PHF21A: variants seen among roughly 807,000 people sequenced by gnomAD.
PHF21A encodes the protein PHD finger protein 21A, also known as BHC80a.
Under a neutral mutation model 82.5 loss-of-function variants are expected in PHF21A, and 11 were observed. The observed-to-expected ratio is 0.13, with a 90% confidence interval of 0.08 to 0.22. The LOEUF is 0.22. Among genes scored for constraint, PHF21A ranks in the 10% least tolerant of loss-of-function variants. The probability of loss-of-function intolerance (pLI) is 1.00; values close to 1 mark genes in which losing one functional copy is unlikely to be tolerated. For synonymous variants in PHF21A, 297 were observed against 302.8 expected (o/e 0.98, Z 0.20); for missense variants, 579 against 837.8 (o/e 0.69, Z 3.81).
Position 45,929,694 on chromosome 11 carries a change from A to G in PHF21A, c.*4274T>C. On this transcript the variant is annotated 3_prime_UTR_variant, in exon 19 of 19. Coordinates refer to ENST00000676320, the MANE Select transcript of PHF21A (RefSeq NM_001352027.3). ...CCTCAGGGAGGAAGGGCCTTGTGGG[A>G]GGGGGCGCCAAGTGGAACTGGAGAG... The G allele has an allele frequency of 6.6e-6, 1 of 152,216 alleles. No individual in the cohort carries two copies. Among genetic ancestry groups the G allele is most frequent in the Non-Finnish European group, 1.5e-5 (1 of 68,074 alleles). The allele number at this position is 152,216 out of a possible 1,614,324, so 9.4% of individuals were successfully genotyped here. A position where few individuals can be genotyped will look rare whatever the true frequency, so the allele number is the denominator to read the frequency against.
chr11:46,067,129 T>A (rs529848945), intron 6 of PHF21A, among the ~76,000 whole-genome samples: 82 of 152,308 alleles, frequency 5.4e-4, no homozygotes, highest in Non-Finnish European at 1.1e-3. Context: ...CTTGATTCAA[T>A]CACATTTGTT....
At chr11:45,980,410 G>A (rs1591544330) in intron 6 of PHF21A, among the ~76,000 whole-genome samples, 1 of 152,170 alleles carries the variant, frequency 6.6e-6, no homozygotes, top group East Asian at 1.9e-4. Flanking sequence ...TTAAAATGAG[G>A]TGGTTAACAG....
intron 10 of PHF21A, among the ~76,000 whole-genome samples, chr11:45,958,728 C>T (rs923289338): frequency 6.6e-5 from 10 of 151,828 alleles, no homozygotes; most frequent in African/African-American, 2.2e-4. Context: ...CCAGCCTGGG[C>T]AAGAAAGTGA....
chr11:46,066,677 C>T (rs1187402143), intron 6 of PHF21A, among the ~76,000 whole-genome samples: 4 of 151,914 alleles, frequency 2.6e-5, no homozygotes, highest in Admixed American at 1.3e-4. Flanking sequence ...CCAGCTTGGG[C>T]GACAGAGCAA....
chr11:45,972,573 T>C (rs967104014), intron 7 of PHF21A, among the ~76,000 whole-genome samples: 3 of 152,104 alleles, frequency 2.0e-5, no homozygotes, highest in African/African-American at 7.2e-5. Flanking sequence ...AGGTCAGGAG[T>C]TCGAGACTAG....
intron 1 of PHF21A, among the ~76,000 whole-genome samples, chr11:46,097,486 T>C (rs2097017036): frequency 6.6e-6 from 1 of 152,164 alleles, no homozygotes; most frequent in Non-Finnish European, 1.5e-5. Flanking sequence ...CTCCCTCAAA[T>C]TATTGAGGAA....
At chr11:45,940,655 T>TTTATG (rs2090166733) in intron 15 of PHF21A, among the ~76,000 whole-genome samples, 2 of 3,360 alleles carry the variant, frequency 6.0e-4, no homozygotes, top group Non-Finnish European at 2.8e-3. Flanking sequence ...CTTCCTTCAT[T>TTTATG]ATTAAAATCA....
At chr11:45,979,501 T>A (rs2094187846) in intron 7 of PHF21A, among the ~76,000 whole-genome samples, 1 of 152,254 alleles carries the variant, frequency 6.6e-6, no homozygotes, top group Admixed American at 6.5e-5. Flanking sequence ...AGATAATTGA[T>A]TTTTGTTATT....
At chr11:45,971,020 T>G (rs2093709378) in intron 8 of PHF21A, 96 bp downstream of exon 8, 1 of 1,400,124 alleles carries the variant, frequency 7.1e-7, no homozygotes, top group Admixed American at 2.6e-5. Context: ...TGATGGAAAC[T>G]GAGAAATCCA....
intron 4 of PHF21A, among the ~76,000 whole-genome samples, chr11:46,082,402 C>T (rs891272995): frequency 2.6e-5 from 4 of 152,128 alleles, no homozygotes; most frequent in Admixed American, 1.3e-4. Context: ...TTGTCATGAT[C>T]AACAATCGTG....
intron 6 of PHF21A, among the ~76,000 whole-genome samples, chr11:46,056,457 T>G (rs1389736820): frequency 6.6e-6 from 1 of 152,120 alleles, no homozygotes; most frequent in Non-Finnish European, 1.5e-5. Flanking sequence ...GTTCTCAAAT[T>G]AGTATGAGCT....
intron 11 of PHF21A, 92 bp from the exon 12 acceptor site, chr11:45,950,349 C>T: frequency 9.7e-7 from 1 of 1,036,140 alleles, no homozygotes; most frequent in East Asian, 2.5e-5. Flanking sequence ...GGAAAGCCAG[C>T]CCAATGGGCG....
At chr11:46,094,881 AGAGT>A (rs1469363731) in intron 1 of PHF21A, among the ~76,000 whole-genome samples, 2 of 152,150 alleles carry the variant, frequency 1.3e-5, no homozygotes, top group Non-Finnish European at 2.9e-5. Context: ...GCCTGGCGAC[AGAGT>A]GAGTCTCCGT....
At chr11:45,949,584 A>G in intron 12 of PHF21A, 103 bp from the exon 13 acceptor site, 1 of 976,894 alleles carries the variant, frequency 1.0e-6, no homozygotes. Context: ...AATCAGAATC[A>G]GGGACAAGTC....
At chr11:45,965,691 G>T in intron 9 of PHF21A, 83 bp from the exon 10 acceptor site, 5 of 1,034,038 alleles carry the variant, frequency 4.8e-6, no homozygotes, top group Non-Finnish European at 7.0e-6. Context: ...CTCTATGTAT[G>T]AAATGGTGTT....
chr11:45,986,858 A>C (rs886148023), intron 6 of PHF21A, among the ~76,000 whole-genome samples: 11 of 152,174 alleles, frequency 7.2e-5, no homozygotes, highest in African/African-American at 2.7e-4. Context: ...TTTAACATCT[A>C]ATCATTTTAA....
At chr11:45,940,416 G>A (rs1590966378) in intron 15 of PHF21A, among the ~76,000 whole-genome samples, 2 of 152,016 alleles carry the variant, frequency 1.3e-5, no homozygotes, top group African/African-American at 4.8e-5. Flanking sequence ...GGCTGGTCTC[G>A]AACTCCTGAC....
At chr11:46,039,167 G>A (rs1230610433) in intron 6 of PHF21A, among the ~76,000 whole-genome samples, 4 of 152,162 alleles carry the variant, frequency 2.6e-5, no homozygotes, top group African/African-American at 4.8e-5. Context: ...TTTTACTGAT[G>A]AAATAATATG....
intron 9 of PHF21A, among the ~76,000 whole-genome samples, chr11:45,966,513 A>C (rs2093443505): frequency 6.6e-6 from 1 of 152,200 alleles, no homozygotes; most frequent in Non-Finnish European, 1.5e-5. Context: ...TAAAAACATG[A>C]GGTCAGCCTT....
Sources: allele counts gnomAD v4.1 joint callset (sites outside exome capture counted in the v4.1 genomes callset), GRCh38; gene constraint gnomAD v4.1.1; transcripts MANE v1.5; gene names NCBI Gene and HGNC (gene_info 2026-07-23, HGNC 2026-07-21).